ITPR1: variants seen among roughly 807,000 people sequenced by gnomAD.
ITPR1 encodes the protein inositol 1,4,5-trisphosphate receptor type 1, also known as inositol 1,4,5-trisphosphate-gated calcium channel ITPR1.
Under a neutral mutation model 318.4 loss-of-function variants are expected in ITPR1, and 96 were observed. The ratio of observed to expected loss-of-function variants is 0.30; its 90% CI spans 0.26 to 0.36. The LOEUF (loss-of-function observed/expected upper bound fraction) is 0.36. ITPR1 is among the 10% of genes least tolerant of loss of function. The pLI, the probability that ITPR1 is intolerant of heterozygous loss-of-function variation, is 1.00. For synonymous variants in ITPR1, 1,312 were observed against 1,289.9 expected, an observed-to-expected ratio of 1.02 and a Z score of -0.37; for missense variants, 2,440 against 3,460.2, an observed-to-expected ratio of 0.71 and a Z score of 7.40.
chr3:4,601,752 A>C (rs1176898201), intron 4 of ITPR1, among the ~76,000 whole-genome samples: 2 of 152,230 alleles, frequency 1.3e-5, no homozygotes, highest in African/African-American at 4.8e-5. Context: ...GATACTGTCT[A>C]GTGAAGAGAC....
chr3:4,825,732 G>A lies in ITPR1; in HGVS notation c.8028+7490G>A, dbSNP rs761805664. 7.7e-5 allele frequency: 35 copies of A among 456,552 alleles called. 1 individual carries two copies. The highest frequency in any genetic ancestry group is 5.4e-4 in the South Asian group (35 of 64,562). 28.3% of individuals were successfully genotyped at this position (456,552 alleles called of 1,614,324 possible). A position where few individuals can be genotyped will look rare whatever the true frequency, so the allele number is the denominator to read the frequency against. ...CTACCTTCTGTTTAAAAGGGGAACT[G>A]GCTGAAGTCTTACCTTGACCCAAGA... is the stretch of plus-strand genomic sequence containing the variant. On this transcript the variant is annotated intron_variant, in intron 60 of 61. Coordinates refer to ENST00000649015, the MANE Select transcript of ITPR1 (RefSeq NM_001378452.1).
At chr3:4,745,287 C>T (rs2044022276) in intron 44 of ITPR1, among the ~76,000 whole-genome samples, 2 of 152,036 alleles carry the variant, frequency 1.3e-5, no homozygotes, top group Non-Finnish European at 2.9e-5. Flanking sequence ...CACATAGCCT[C>T]TGCCAGGATG....
chr3:4,706,104 G>A (rs1194000222), intron 36 of ITPR1, 63 bp from the exon 37 acceptor site: 35 of 1,574,378 alleles, frequency 2.2e-5, no homozygotes, highest in Admixed American at 1.3e-4. Flanking sequence ...AGGGCATTAC[G>A]TCCATCTGTA....
chr3:4,789,952 G>A (rs1308064990), intron 52 of ITPR1, among the ~76,000 whole-genome samples: 1 of 152,176 alleles, frequency 6.6e-6, no homozygotes, highest in Non-Finnish European at 1.5e-5. Context: ...CTCCATGATA[G>A]TTAATAGGCT....
chr3:4,705,825 C>A (rs13321259), intron 36 of ITPR1, among the ~76,000 whole-genome samples: 14 of 152,146 alleles, frequency 9.2e-5, no homozygotes, highest in Non-Finnish European at 1.9e-4. Context: ...AACGAGTTCC[C>A]TGTCTTGATT....
chr3:4,540,382 G>A (rs560110049), intron 4 of ITPR1, among the ~76,000 whole-genome samples: 75 of 152,026 alleles, frequency 4.9e-4, no homozygotes, highest in African/African-American at 1.7e-3. Context: ...TTATATTTTA[G>A]AGCTGTCTCT....
chr3:4,683,014 C>T (rs548597821), intron 26 of ITPR1, among the ~76,000 whole-genome samples: 9 of 152,288 alleles, frequency 5.9e-5, no homozygotes, highest in African/African-American at 1.9e-4. Context: ...CATAGCAAGA[C>T]CTCATCTCTA....
intron 36 of ITPR1, among the ~76,000 whole-genome samples, chr3:4,704,516 C>T (rs888039582): frequency 6.6e-5 from 10 of 152,056 alleles, no homozygotes; most frequent in Admixed American, 1.3e-4. Context: ...ACTTCTGCAG[C>T]AAACCTGCAC....
At chr3:4,568,086 A>T in intron 4 of ITPR1, among the ~76,000 whole-genome samples, 1 of 152,160 alleles carries the variant, frequency 6.6e-6, no homozygotes, top group South Asian at 2.1e-4. Flanking sequence ...GAAGGCGCAG[A>T]CCTGAGAAGA....
chr3:4,719,182 C>T (rs952881185), intron 40 of ITPR1, among the ~76,000 whole-genome samples: 2 of 152,136 alleles, frequency 1.3e-5, no homozygotes, highest in Admixed American at 6.5e-5. Flanking sequence ...AAATAGAATA[C>T]TGTCTGTTTA....
At chr3:4,622,485 G>A (rs919082628) in intron 4 of ITPR1, among the ~76,000 whole-genome samples, 2 of 151,322 alleles carry the variant, frequency 1.3e-5, no homozygotes, top group Non-Finnish European at 2.9e-5. Flanking sequence ...GTGCAATGGT[G>A]TGATATCAGG....
rs548578427 is a variant in ITPR1 at position 4,681,624 on chromosome 3, A to AAGTGTGTGT, written c.3161+206_3161+207insAGTGTGTGT. 2.1e-5 allele frequency among the ~76,000 whole-genome samples: 3 copies of AAGTGTGTGT among 145,788 alleles called. No individual in the cohort carries two copies. The East Asian group carries it at 6.1e-4, about 30-fold the overall frequency. On this transcript the variant is annotated intron_variant, in intron 26 of 61. Transcript: ENST00000649015. ...GAGAGTGAGAGAGAGAGAGAGAGAA[A>AAGTGTGTGT]GTGTGTGTGTGTGTGTGTGTGTGTG... is the stretch of plus-strand genomic sequence containing the variant.
rs565898015 is a variant in ITPR1, at chr3:4,554,247, G to A, written c.163+33153G>A. ...AATTCTGTTCTCTTTGATAGGAATA[G>A]AGGCCCACTGATACCTGTGAGCTTA... On this transcript the variant is annotated intron_variant, in intron 4 of 61. Transcript: ENST00000649015. Among the ~76,000 whole-genome samples the A allele has an allele frequency of 2.1e-3, 321 of 152,290 alleles. 2 individuals are homozygous for A. The highest frequency in any genetic ancestry group is 3.9e-3 in the Non-Finnish European group (262 of 68,032).
intron 4 of ITPR1, among the ~76,000 whole-genome samples, chr3:4,535,507 A>G (rs149500024): frequency 0.029 from 4,081 of 138,386 alleles, 84 homozygotes; most frequent in Non-Finnish European, 0.044. Context: ...CAGTGGCGCA[A>G]TCTCGGCTCA....
chr3:4,534,887 T>A (rs1172545206), intron 4 of ITPR1, among the ~76,000 whole-genome samples: 2 of 152,246 alleles, frequency 1.3e-5, no homozygotes, highest in Non-Finnish European at 2.9e-5. Flanking sequence ...CAACTTAGGT[T>A]TAGCAATCAA....
In ITPR1 at chr3:4,693,485, T is replaced by C; in HGVS notation, c.4030-5T>C. The C allele has an allele frequency of 6.2e-7, 1 of 1,612,852 alleles. No individual in the cohort carries two copies. Among genetic ancestry groups the C allele is most frequent in the Non-Finnish European group, 8.5e-7 (1 of 1,178,914 alleles). Reference sequence around the variant, plus strand: ...TAATCTAAACCCACCCTGTTCTTTATGTAGCTGGTCAATTCGGGAGAGGAT... The same window carrying C: ...TAATCTAAACCCACCCTGTTCTTTACGTAGCTGGTCAATTCGGGAGAGGAT... On this transcript the variant is annotated splice_polypyrimidine_tract_variant and splice_region_variant and intron_variant, in intron 32 of 61. Transcript: ENST00000649015.
At chr3:4,503,398 T>C (rs1285325700) in intron 2 of ITPR1, among the ~76,000 whole-genome samples, 1 of 152,156 alleles carries the variant, frequency 6.6e-6, no homozygotes, top group Admixed American at 6.5e-5. Flanking sequence ...TCCTCTTCTG[T>C]AGAATAGGTG....
intron 53 of ITPR1, among the ~76,000 whole-genome samples, chr3:4,796,396 G>A (rs2047901530): frequency 6.6e-6 from 1 of 152,086 alleles, no homozygotes. Flanking sequence ...TCTCTTTGGG[G>A]ATGTCCACCT....
intron 53 of ITPR1, among the ~76,000 whole-genome samples, chr3:4,795,753 TG>T (rs1286515065): frequency 4.6e-5 from 7 of 152,330 alleles, no homozygotes; most frequent in Admixed American, 3.3e-4. Context: ...CAAAACATGA[TG>T]ATTATGGTCT....
Sources: allele counts gnomAD v4.1 joint callset (sites outside exome capture counted in the v4.1 genomes callset), GRCh38; gene constraint gnomAD v4.1.1; transcripts MANE v1.5; gene names NCBI Gene and HGNC (gene_info 2026-07-23, HGNC 2026-07-21).